Variants in DMBT1 observed in about 807,000 individuals in gnomAD.
The protein encoded by DMBT1 is deleted in malignant brain tumors 1.
In DMBT1, 198 loss-of-function variants were observed where a neutral mutation model predicts 252.9. The observed-to-expected ratio is 0.78, with a 90% CI of 0.70 to 0.88. The LOEUF (loss-of-function observed/expected upper bound fraction) is 0.88, where lower values mean the gene tolerates loss of function less well. DMBT1 is among the 40% of genes least tolerant of loss of function. DMBT1 has a pLI of 0.00. For synonymous variants in DMBT1, 990 were observed against 942.7 expected, an observed-to-expected ratio of 1.05 and a Z score of -0.92; for missense variants, 2,432 against 2,404.7, an observed-to-expected ratio of 1.01 and a Z score of -0.24.
In DMBT1 at chr10:122,621,325, A is replaced by T. The variant is rs377489432; in HGVS notation, c.5553A>T (p.Lys1851Asn). 101 of 1,613,704 alleles carry T rather than the reference A, an allele frequency of 6.3e-5. No homozygotes were observed. The highest frequency in any genetic ancestry group is 3.0e-4 in the Admixed American group (18 of 60,002). Reference protein sequence around the residue: ...NESYLWSCPHKGWLTHNCGHH... With the variant: ...NESYLWSCPHNGWLTHNCGHH... ...CCTACCTGTGGAGCTGCCCCCACAA[A>T]GGCTGGCTCACCCACAACTGTGGCC... is the stretch of plus-strand genomic sequence containing the variant. Residue 1851 changes from lysine to asparagine, a missense_variant, in exon 44 of 56, where the codon AAA becomes AAT. Around this residue, in one of 3 missense-constraint regions of DMBT1, gnomAD observed 1,162 missense variants for 1,169.0 expected, o/e 0.99. Transcript: ENST00000338354.
At chr10:122,565,864 C>T (rs2097585465) in intron 1 of DMBT1, 103 bp from the exon 2 acceptor site, 2 of 1,099,296 alleles carry the variant, frequency 1.8e-6, no homozygotes, top group Non-Finnish European at 2.7e-6. Context: ...TGAGCCACAG[C>T]GCCCTCTGGT....
chr10:122,580,164 G>C (rs555148485), intron 10 of DMBT1, among the ~76,000 whole-genome samples: 12 of 151,896 alleles, frequency 7.9e-5, no homozygotes, highest in Non-Finnish European at 1.6e-4. Context: ...AAAAGTGCCG[G>C]CTCCCCAGGG....
intron 17 of DMBT1, among the ~76,000 whole-genome samples, chr10:122,589,854 T>C (rs1334404025): frequency 6.7e-6 from 1 of 148,540 alleles, no homozygotes; most frequent in Non-Finnish European, 1.5e-5. Context: ...TGTTCATGAA[T>C]GGTTGGCTTC....
intron 26 of DMBT1, among the ~76,000 whole-genome samples, chr10:122,599,524 G>C (rs1038248541): frequency 4.6e-5 from 7 of 152,196 alleles, no homozygotes; most frequent in Non-Finnish European, 1.5e-5. Flanking sequence ...CCAGTGAGGA[G>C]GTCTGGAAAT....
In DMBT1 at chr10:122,618,336, C is replaced by T. The variant is rs1443954404; in HGVS notation, c.5211C>T (p.Cys1737=). The part of the protein sequence containing the change: ...CGHHEDAGVI[C]SAAQSQSTPR... ...ATCATGAAGATGCTGGTGTCATCTG[C>T]TCAGGTGGGCTTTCAAGACCTTGGG... Residue 1737 remains cysteine (C), a synonymous_variant, in exon 41 of 56, where the codon TGC becomes TGT. Transcript: ENST00000338354. The T allele has an allele frequency of 6.2e-7, 1 of 1,613,746 alleles. No homozygotes were observed. The highest frequency in any genetic ancestry group is 8.5e-7 in the Non-Finnish European group (1 of 1,179,788).
intron 9 of DMBT1, 38 bp from the exon 10 acceptor site, chr10:122,579,540 G>A (rs1328818629): frequency 1.2e-6 from 2 of 1,612,246 alleles, no homozygotes; most frequent in Non-Finnish European, 1.7e-6. Context: ...TTGACCTCAT[G>A]ATAGGGATGG....
At chr10:122,598,157 G>T (rs1261503361) in intron 25 of DMBT1, 145 bp downstream of exon 25, 48 of 1,253,776 alleles carry the variant, frequency 3.8e-5, no homozygotes, top group Non-Finnish European at 2.8e-5. Context: ...TAGCGTCTCT[G>T]GGGACCCAGC....
Position 122,618,062 on chromosome 10 carries a change from G to T in DMBT1, c.4937G>T (p.Arg1646Met). Residue 1646 changes from arginine to methionine, a missense_variant, in exon 41 of 56, where the codon AGG becomes ATG. Around this residue, in one of 3 missense-constraint regions of DMBT1, gnomAD observed 1,162 missense variants for 1,169.0 expected, o/e 0.99. Coordinates refer to ENST00000338354, the MANE Select transcript of DMBT1 (RefSeq NM_001377530.1). ...CTGAGACTGGTGAATGGAGGTGACA[G>T]GTGTCGAGGCCGAGTGGAGGTCCTA... ...LALRLVNGGDRCRGRVEVLYQ... is the reference protein window; with the variant it reads ...LALRLVNGGDMCRGRVEVLYQ... 2.5e-6 allele frequency: 4 copies of T among 1,613,644 alleles called. No homozygotes were observed. The highest frequency in any genetic ancestry group is 3.4e-6 in the Non-Finnish European group (4 of 1,179,804).
Position 122,576,489 on chromosome 10 carries a change from C to T in DMBT1, c.374C>T (p.Thr125Ile), listed in dbSNP as rs751828262. 12 of 1,613,926 alleles carry T rather than the reference C, an allele frequency of 7.4e-6. No individual in the cohort carries two copies. The East Asian group carries it at 2.5e-4, about 33-fold the overall frequency. ...VEILYRGSWG[T>I]VCDDSWDTND... ...ATCCTATACCGAGGCTCCTGGGGCA[C>T]CGTGTGTGATGACAGCTGGGACACC... The change falls in exon 7 of 56, where the codon ACC (threonine) becomes ATC (isoleucine). Residue 125 changes from threonine to isoleucine, a missense_variant. Around this residue, in one of 3 missense-constraint regions of DMBT1, gnomAD observed 1,264 missense variants for 1,082.2 expected, o/e 1.17. Coordinates refer to ENST00000338354, the MANE Select transcript of DMBT1 (RefSeq NM_001377530.1).
At chr10:122,565,149 A>G (rs2097579586) in intron 1 of DMBT1, among the ~76,000 whole-genome samples, 5 of 152,190 alleles carry the variant, frequency 3.3e-5, no homozygotes, top group Admixed American at 3.3e-4. Flanking sequence ...TTTTCTTACT[A>G]TTTAATAATT....
rs751046635 is a variant in DMBT1, at chr10:122,621,268, C to T, written c.5496C>T (p.Val1832=). Residue 1832 remains valine (V), a synonymous_variant, in exon 44 of 56, where the codon GTC becomes GTT. Coordinates refer to ENST00000338354, the MANE Select transcript of DMBT1 (RefSeq NM_001377530.1). ...TTGGCCAGGGCTCAGGACCCATTGT[C>T]CTGGATGATGTGCGCTGCTCAGGGA... ...ARFGQGSGPI[V]LDDVRCSGNE... The T allele has an allele frequency of 1.9e-6, 3 of 1,613,816 alleles. No individual in the cohort carries two copies. The South Asian group carries it at 3.3e-5, about 18-fold the overall frequency.
chr10:122,563,586 C>A lies in DMBT1; in HGVS notation c.62-2381C>A, dbSNP rs200835219. On this transcript the variant is annotated intron_variant, in intron 1 of 55. Coordinates refer to ENST00000338354, the MANE Select transcript of DMBT1 (RefSeq NM_001377530.1). The stretch of plus-strand genomic sequence containing the variant: ...TGGGTGACAGAGTGAGACTCTGTCT[C>A]AAAAAAAAAAATTAATAAATCATTT... Among the ~76,000 whole-genome samples the A allele has an allele frequency of 1.1e-3, 158 of 147,256 alleles. 1 individual carries two copies. Among genetic ancestry groups the A allele is most frequent in the Middle Eastern group, 3.4e-3 (1 of 292 alleles).
At chr10:122,585,759 T>G (rs1285076334) in intron 15 of DMBT1, among the ~76,000 whole-genome samples, 1 of 148,592 alleles carries the variant, frequency 6.7e-6, no homozygotes, top group African/African-American at 2.4e-5. Context: ...GGGGAGAGTC[T>G]GGCCTGCCTA....
chr10:122,588,401 GAA>G (rs113615536), intron 16 of DMBT1, among the ~76,000 whole-genome samples: 3 of 137,182 alleles, frequency 2.2e-5, no homozygotes, highest in South Asian at 5.0e-4. Context: ...AAATAATAAA[GAA>G]AAAAAAAAAA....
chr10:122,591,622 C>G, intron 19 of DMBT1, 105 bp downstream of exon 19: 1 of 1,270,084 alleles, frequency 7.9e-7, no homozygotes, highest in African/African-American at 1.4e-5. Context: ...CTGTCTTTTT[C>G]ACATCCCTGT....
chr10:122,637,072 A>G (rs2098232721), intron 53 of DMBT1, 56 bp from the exon 54 acceptor site: 3 of 1,544,308 alleles, frequency 1.9e-6, no homozygotes, highest in African/African-American at 2.7e-5. Flanking sequence ...CTGGCCCCGT[A>G]GGACTTGTGG....
At chr10:122,572,702 C>A (rs911126793) in intron 5 of DMBT1, among the ~76,000 whole-genome samples, 5 of 152,066 alleles carry the variant, frequency 3.3e-5, no homozygotes, top group African/African-American at 1.2e-4. Flanking sequence ...TGGAGGTAGG[C>A]TTCAGTCTCA....
rs370127001 is a variant in DMBT1, at chr10:122,592,511, G to A, written c.2416G>A (p.Glu806Lys). The A allele has an allele frequency of 5.9e-5, 94 of 1,588,136 alleles. 12 individuals are homozygous for A. The highest frequency in any genetic ancestry group is 5.9e-4 in the East Asian group (25 of 42,686). Residue 806 changes from glutamate (E) to lysine (K), a missense_variant, in exon 20 of 56, where the codon GAG becomes AAG. Transcript: ENST00000338354. ...GGATGATGTGCGCTGCTCAGGACAC[G>A]AGTCCTACCTGTGGAGCTGCCCCCA... The part of the protein sequence containing the change: ...VLDDVRCSGH[E>K]SYLWSCPHNG...
At chr10:122,617,287 G>A (rs2097997198) in intron 40 of DMBT1, 27 bp downstream of exon 40, 4 of 1,605,952 alleles carry the variant, frequency 2.5e-6, no homozygotes, top group Non-Finnish European at 3.4e-6. Flanking sequence ...CCCCTCCCTA[G>A]GGCTCACTAT....
Sources: allele counts gnomAD v4.1 joint callset (sites outside exome capture counted in the v4.1 genomes callset), GRCh38; gene constraint gnomAD v4.1.1; regional missense constraint gnomAD v4.1.1; transcripts MANE v1.5; gene names NCBI Gene and HGNC (gene_info 2026-07-23, HGNC 2026-07-21).